Variants in CFAP251 observed in about 807,000 individuals in gnomAD.
CFAP251 encodes the protein cilia and flagella associated protein 251.
In CFAP251, 93 loss-of-function variants were observed where a neutral mutation model predicts 126.7. That is an observed-to-expected ratio of 0.73 (90% CI 0.62 to 0.87). The LOEUF (loss-of-function observed/expected upper bound fraction) is 0.87, where lower values mean the gene tolerates loss of function less well. Ranked by LOEUF, CFAP251 falls within the 40% of genes least tolerant of loss-of-function variation. The probability of loss-of-function intolerance (pLI) is 0.00; values close to 1 mark genes in which losing one functional copy is unlikely to be tolerated. For missense variants in CFAP251, 1,287 were observed against 1,389.2 expected (o/e 0.93, Z 1.17); for synonymous variants, 503 against 506.9 (o/e 0.99, Z 0.10).
At position 121,958,521 on chromosome 12, in the gene CFAP251, A is replaced by G; in HGVS notation, c.1980A>G (p.Glu660=). Residue 660 remains glutamate (E), a splice_region_variant and synonymous_variant, in exon 12 of 22, where the codon GAA becomes GAG. Coordinates refer to ENST00000288912, the MANE Select transcript of CFAP251 (RefSeq NM_144668.6). ...TCCAGAGTCTGACCTACAACCCCGA[A>G]GGTATTTTCATCTTATCAGCCTACC... ...LGVQSLTYNP[E]GALLGAGFTE... 1 of 1,614,156 alleles carries G rather than the reference A, an allele frequency of 6.2e-7. No individual in the cohort carries two copies. Among genetic ancestry groups the G allele is most frequent in the Non-Finnish European group, 8.5e-7 (1 of 1,179,980 alleles).
chr12:121,928,995 C>T (rs2135750090), intron 3 of CFAP251, among the ~76,000 whole-genome samples: 1 of 152,038 alleles, frequency 6.6e-6, no homozygotes, highest in South Asian at 2.1e-4. Context: ...CTGCACCCTG[C>T]CTGGATTTTA....
chr12:121,922,661 A>G (rs1880233402), intron 2 of CFAP251, among the ~76,000 whole-genome samples: 1 of 133,436 alleles, frequency 7.5e-6, no homozygotes. Flanking sequence ...CACTGTCTGT[A>G]GCTAGTCAGC....
At chr12:121,993,057 C>G (rs2135813704) in intron 19 of CFAP251, among the ~76,000 whole-genome samples, 2 of 143,942 alleles carry the variant, frequency 1.4e-5, no homozygotes, top group Non-Finnish European at 3.0e-5. Flanking sequence ...GCTGCCATCT[C>G]GGCTCACTGC....
At chr12:121,985,847 A>C (rs1259602754) in intron 19 of CFAP251, among the ~76,000 whole-genome samples, 1 of 152,074 alleles carries the variant, frequency 6.6e-6, no homozygotes. Context: ...AGATTAATAA[A>C]ATAAGGCACA....
intron 19 of CFAP251, among the ~76,000 whole-genome samples, chr12:121,981,255 T>C (rs543947407): frequency 5.9e-5 from 9 of 152,034 alleles, no homozygotes; most frequent in African/African-American, 2.2e-4. Context: ...ATCGCTTTAG[T>C]AAGCCCAGGA....
At chr12:122,000,334 T>C (rs548476868) in intron 20 of CFAP251, among the ~76,000 whole-genome samples, 234 of 152,034 alleles carry the variant, frequency 1.5e-3, no homozygotes, top group Non-Finnish European at 2.8e-3. Flanking sequence ...GGCGGATTGC[T>C]TGAGGTCAGA....
chr12:121,928,690 G>A (rs913831195), intron 3 of CFAP251, among the ~76,000 whole-genome samples: 5 of 62,830 alleles, frequency 8.0e-5, no homozygotes, highest in East Asian at 2.9e-4. Flanking sequence ...ATATATATAC[G>A]TATATATATA....
rs2135799430 is a variant in CFAP251, at chr12:121,975,605, A to G, written c.2926A>G (p.Arg976Gly). The G allele has an allele frequency of 6.2e-7, 1 of 1,605,454 alleles. No individual in the cohort carries two copies. Among genetic ancestry groups the G allele is most frequent in the African/African-American group, 1.3e-5 (1 of 74,460 alleles). The change falls in exon 19 of 22, where the codon AGA (arginine) becomes GGA (glycine). Residue 976 changes from arginine (R) to glycine (G), a missense_variant. Coordinates refer to ENST00000288912, the MANE Select transcript of CFAP251 (RefSeq NM_144668.6). ...TCAAGGCATCGACACAATGGAGACC[A>G]GAAAGGTGTCAGAACACATTTGCCT... ...RSQGIDTMET[R>G]KVSEHICLSE...
At chr12:122,001,437 C>A in intron 20 of CFAP251, 60 bp from the exon 21 acceptor site, 1 of 1,344,882 alleles carries the variant, frequency 7.4e-7, no homozygotes, top group Non-Finnish European at 1.1e-6. Flanking sequence ...AACGCTAAGC[C>A]CTGACAGTAT....
intron 19 of CFAP251, among the ~76,000 whole-genome samples, chr12:121,979,143 C>T (rs558810321): frequency 3.9e-5 from 6 of 152,210 alleles, no homozygotes; most frequent in Admixed American, 6.5e-5. Flanking sequence ...ACTCATTTCT[C>T]GAGAAATTAG....
intron 3 of CFAP251, 36 bp downstream of exon 3, chr12:121,924,026 TTGA>T: frequency 6.5e-7 from 1 of 1,544,940 alleles, no homozygotes; most frequent in South Asian, 1.3e-5. Flanking sequence ...CCCAGTGCTT[TTGA>T]GAGTGTTGCG....
At chr12:121,928,625 T>TGTATATATATACGTATATATATATATAC (rs1880512525) in intron 3 of CFAP251, among the ~76,000 whole-genome samples, 4 of 35,260 alleles carry the variant, frequency 1.1e-4, no homozygotes, top group Non-Finnish European at 1.9e-4. Context: ...TATGTATATG[T>TGTATATATATACGTATATATATATATAC]GTATATATAT....
intron 3 of CFAP251, among the ~76,000 whole-genome samples, chr12:121,925,480 A>T (rs1159862938): frequency 6.6e-6 from 1 of 152,226 alleles, no homozygotes; most frequent in African/African-American, 2.4e-5. Context: ...TGTCATGACG[A>T]TGACGGTGGC....
chr12:121,984,045 G>A (rs1882690298), intron 19 of CFAP251, among the ~76,000 whole-genome samples: 1 of 152,172 alleles, frequency 6.6e-6, no homozygotes, highest in Non-Finnish European at 1.5e-5. Flanking sequence ...TTCACACTTG[G>A]TTACAGAAAA....
intron 19 of CFAP251, among the ~76,000 whole-genome samples, chr12:121,990,238 C>A (rs1309496323): frequency 6.6e-6 from 1 of 152,194 alleles, no homozygotes; most frequent in African/African-American, 2.4e-5. Context: ...CAGCTCTGAC[C>A]CCATCCCTGG....
intron 3 of CFAP251, among the ~76,000 whole-genome samples, chr12:121,930,225 A>G (rs1327755818): frequency 1.3e-5 from 2 of 151,996 alleles, no homozygotes; most frequent in Non-Finnish European, 2.9e-5. Context: ...GCCGTTGCCC[A>G]CTGCTGTAAT....
At chr12:121,993,718 A>T (rs1164784984) in intron 19 of CFAP251, among the ~76,000 whole-genome samples, 1 of 121,432 alleles carries the variant, frequency 8.2e-6, no homozygotes, top group African/African-American at 3.3e-5. Context: ...AAGTGAGGAG[A>T]CCCTCTGCCT....
chr12:121,921,212 A>G (rs1464822083), intron 1 of CFAP251, 74 bp from the exon 2 acceptor site: 4 of 1,432,786 alleles, frequency 2.8e-6, no homozygotes, highest in Non-Finnish European at 3.7e-6. Context: ...ACATTTCATC[A>G]GTAGGTTAGT....
chr12:121,959,059 A>T lies in CFAP251; in HGVS notation c.2098A>T (p.Ser700Cys). 6.2e-7 allele frequency: 1 copy of T among 1,608,692 alleles called. No individual in the cohort carries two copies. The stretch of plus-strand genomic sequence containing the variant: ...TTCCAGAACCAGTGTGACTCATATA[A>T]GCTTTTCCCATGACTCCCAGTATAT... ...KYSRTSVTHI[S>C]FSHDSQYMAT... The change falls in exon 13 of 22, where the codon AGC becomes TGC. Residue 700 changes from serine (S) to cysteine (C), a missense_variant. Ser to Cys is a moderately radical substitution (Grantham distance 112, BLOSUM62 -1). Coordinates refer to ENST00000288912, the MANE Select transcript of CFAP251 (RefSeq NM_144668.6).
Sources: allele counts gnomAD v4.1 joint callset (sites outside exome capture counted in the v4.1 genomes callset), GRCh38; gene constraint gnomAD v4.1.1; transcripts MANE v1.5; gene names NCBI Gene and HGNC (gene_info 2026-07-23, HGNC 2026-07-21).